HPSE2: variants seen among roughly 807,000 people sequenced by gnomAD.
The protein encoded by HPSE2 is inactive heparanase-2.
In HPSE2, 38 loss-of-function variants were observed where a neutral mutation model predicts 60.5. The observed-to-expected ratio is 0.63, with a 90% confidence interval of 0.48 to 0.82. The LOEUF (loss-of-function observed/expected upper bound fraction) is 0.82, where lower values mean the gene tolerates loss of function less well. HPSE2 is among the 40% of genes least tolerant of loss of function. The probability of loss-of-function intolerance (pLI) is 0.00; values close to 1 mark genes in which losing one functional copy is unlikely to be tolerated. For synonymous variants in HPSE2, 295 were observed against 293.2 expected (o/e 1.01, Z -0.06); for missense variants, 713 against 740.4 (o/e 0.96, Z 0.43).
rs149964978 is a variant in HPSE2 at position 98,564,526 on chromosome 10, A to T, written c.1320+50378T>A. ...CAAACTTACAGTATTTCTTGTATAC[A>T]ATCTGAAGCAGAATTTTGTGGCTGC... On this transcript the variant is annotated intron_variant, in intron 9 of 11. Transcript: ENST00000370552. 1.8e-3 allele frequency among the ~76,000 whole-genome samples: 279 copies of T among 152,322 alleles called. 1 individual carries two copies. Among genetic ancestry groups the T allele is most frequent in the African/African-American group, 6.2e-3 (259 of 41,568 alleles).
chr10:98,597,970 CAAA>C (rs571184082), intron 9 of HPSE2, among the ~76,000 whole-genome samples: 348 of 55,032 alleles, frequency 6.3e-3, no homozygotes, highest in African/African-American at 7.9e-3. Flanking sequence ...GACTCCATCT[CAAA>C]AAAAAAAAAA....
chr10:99,232,563 G>C lies in HPSE2; in HGVS notation c.291-58C>G, dbSNP rs1009311789. 4.9e-5 allele frequency: 76 copies of C among 1,535,776 alleles called. No homozygotes were observed. The South Asian group carries it at 6.2e-4, about 13-fold the overall frequency. On this transcript the variant is annotated intron_variant, in intron 1 of 11. Transcript: ENST00000370552. ...CCCAGGACAGGACGAGAGCGCGTGG[G>C]GCACGGAGAAGGGCCCTCTTCCTAC... is the stretch of plus-strand genomic sequence containing the variant.
At chr10:98,860,434 G>A (rs754425980) in intron 3 of HPSE2, among the ~76,000 whole-genome samples, 11 of 152,028 alleles carry the variant, frequency 7.2e-5, no homozygotes, top group South Asian at 2.1e-4. Context: ...ACCTCTCCCC[G>A]ACAAGAAAAA....
intron 2 of HPSE2, among the ~76,000 whole-genome samples, chr10:99,179,482 G>A (rs1378336390): frequency 6.6e-5 from 10 of 152,072 alleles, no homozygotes; most frequent in African/African-American, 1.9e-4. Context: ...CAAACAGAGA[G>A]CCAAATCATG....
intron 3 of HPSE2, among the ~76,000 whole-genome samples, chr10:99,021,294 GCATTATTAA>G (rs1957256905): frequency 6.6e-6 from 1 of 152,104 alleles, no homozygotes; most frequent in Non-Finnish European, 1.5e-5. Flanking sequence ...GGGTGTGAAT[GCATTATTAA>G]CCCTAATAAC....
At chr10:98,560,374 C>T (rs660426) in intron 9 of HPSE2, among the ~76,000 whole-genome samples, 130,926 of 152,196 alleles carry the variant, frequency 0.86, 57,274 homozygotes, top group East Asian at 1. Context: ...CAGATTTCAT[C>T]GTGACAAACA....
rs999034469 is a variant in HPSE2 at position 98,658,105 on chromosome 10, A to G, written c.1005-16165T>C. On this transcript the variant is annotated intron_variant, in intron 6 of 11. Coordinates refer to ENST00000370552, the MANE Select transcript of HPSE2 (RefSeq NM_021828.5). ...ATGGTTTGAGGGTGGGGAGGATCAG[A>G]AAAGTGGAGGCAGTTTTGGGGTTAT... is the stretch of plus-strand genomic sequence containing the variant. Among the ~76,000 whole-genome samples the G allele has an allele frequency of 2.6e-4, 40 of 152,130 alleles. 1 individual carries two copies. The highest frequency in any genetic ancestry group is 9.7e-4 in the African/African-American group (40 of 41,410).
intron 6 of HPSE2, among the ~76,000 whole-genome samples, chr10:98,655,663 A>G (rs1161353762): frequency 1.3e-5 from 2 of 152,228 alleles, no homozygotes; most frequent in Non-Finnish European, 2.9e-5. Flanking sequence ...AGGTGAAACC[A>G]GAAGTCCACT....
intron 3 of HPSE2, among the ~76,000 whole-genome samples, chr10:99,117,417 GAAAAAAAAAAAAA>G (rs1157232317): frequency 5.2e-4 from 13 of 24,816 alleles, no homozygotes; most frequent in South Asian, 3.6e-3. Context: ...TTGTTTTTTT[GAAAAAAAAAAAAA>G]AAAAAAAAAA....
At chr10:98,723,329 G>A (rs1328353944) in intron 4 of HPSE2, among the ~76,000 whole-genome samples, 1 of 152,136 alleles carries the variant, frequency 6.6e-6, no homozygotes, top group Non-Finnish European at 1.5e-5. Context: ...TGATCATGGT[G>A]GATAAGCTTT....
At chr10:98,872,785 C>T (rs1952768650) in intron 3 of HPSE2, among the ~76,000 whole-genome samples, 1 of 152,094 alleles carries the variant, frequency 6.6e-6, no homozygotes, top group South Asian at 2.1e-4. Context: ...TATTTCTTAT[C>T]AATTCGGAGT....
intron 3 of HPSE2, among the ~76,000 whole-genome samples, chr10:98,801,908 A>G (rs183089391): frequency 3.9e-5 from 6 of 152,274 alleles, no homozygotes; most frequent in Admixed American, 3.9e-4. Context: ...AAAAGAACAA[A>G]ACTGAAATAA....
chr10:98,647,721 A>G (rs550557104), intron 6 of HPSE2, among the ~76,000 whole-genome samples: 1 of 152,234 alleles, frequency 6.6e-6, no homozygotes, highest in Non-Finnish European at 1.5e-5. Context: ...GCTCCTGCTG[A>G]GCACTTGCCA....
At chr10:98,518,987 T>TAACAAGC (rs1161073316) in intron 9 of HPSE2, among the ~76,000 whole-genome samples, 1 of 151,850 alleles carries the variant, frequency 6.6e-6, no homozygotes, top group East Asian at 1.9e-4. Context: ...AAGCTGAGGA[T>TAACAAGC]AAAGTACCAA....
chr10:99,195,195 C>G (rs1299011253), intron 2 of HPSE2, among the ~76,000 whole-genome samples: 2 of 151,928 alleles, frequency 1.3e-5, no homozygotes, highest in African/African-American at 2.4e-5. Flanking sequence ...GATAAAAACC[C>G]TCAAATAACT....
intron 9 of HPSE2, among the ~76,000 whole-genome samples, chr10:98,499,051 G>T (rs1941943679): frequency 6.6e-6 from 1 of 152,140 alleles, no homozygotes; most frequent in Admixed American, 6.5e-5. Context: ...AGGAAGAAGA[G>T]AAATCTCAAA....
At chr10:98,929,931 A>G (rs1954595522) in intron 3 of HPSE2, among the ~76,000 whole-genome samples, 1 of 143,966 alleles carries the variant, frequency 6.9e-6, no homozygotes, top group Admixed American at 6.9e-5. Context: ...GCCCATAAAT[A>G]AAGTTTTATT....
chr10:98,871,301 T>C (rs1242936174), intron 3 of HPSE2, among the ~76,000 whole-genome samples: 2 of 152,164 alleles, frequency 1.3e-5, no homozygotes, highest in African/African-American at 4.8e-5. Context: ...ACATCCATCA[T>C]AATTGATACG....
At chr10:98,679,675 CTT>C (rs745780025) in intron 6 of HPSE2, among the ~76,000 whole-genome samples, 1 of 151,936 alleles carries the variant, frequency 6.6e-6, no homozygotes, top group East Asian at 1.9e-4. Flanking sequence ...AATAAGAACA[CTT>C]TGTGGGATTA....
Sources: gnomAD v4.1 joint callset for allele counts (sites outside exome capture counted in the v4.1 genomes callset) on GRCh38, gnomAD v4.1.1 for gene constraint, MANE v1.5 for transcripts, NCBI Gene and HGNC (gene_info 2026-07-23, HGNC 2026-07-21) for gene names.